The following SPATA22 variants were observed in gnomAD, a reference collection of about 807,000 sequenced individuals.
SPATA22 encodes the protein spermatogenesis associated 22, also known as spermatogenesis-associated protein 22.
A neutral mutation model predicts 47.8 loss-of-function variants in SPATA22; 29 were observed. The ratio of observed to expected loss-of-function variants is 0.61; its 90% CI spans 0.45 to 0.83. SPATA22 has a LOEUF of 0.83. Ranked by LOEUF, SPATA22 falls within the 40% of genes least tolerant of loss-of-function variation. The pLI, the probability that SPATA22 is intolerant of heterozygous loss-of-function variation, is 0.00. For missense variants in SPATA22, 410 were observed against 421.7 expected, an observed-to-expected ratio of 0.97 and a Z score of 0.24; for synonymous variants, 133 against 140.9, an observed-to-expected ratio of 0.94 and a Z score of 0.40.
At chr17:3,451,217 A>G (rs980595828) in intron 5 of SPATA22, among the ~76,000 whole-genome samples, 1 of 152,226 alleles carries the variant, frequency 6.6e-6, no homozygotes, top group Non-Finnish European at 1.5e-5. Context: ...AGACAAAGAA[A>G]GTCATTATAT....
chr17:3,458,858 A>G (rs2073058096), intron 5 of SPATA22, among the ~76,000 whole-genome samples: 2 of 130,212 alleles, frequency 1.5e-5, no homozygotes, highest in African/African-American at 7.3e-5. Context: ...AACTTCACAA[A>G]AAAAAAAAAA....
At chr17:3,468,753 G>C (rs1211131106) in intron 2 of SPATA22, 1 of 202,826 alleles carries the variant, frequency 4.9e-6, no homozygotes, top group African/African-American at 2.4e-5. Flanking sequence ...ACCTATCTCA[G>C]GGTATTGGTG....
intron 1 of SPATA22, among the ~76,000 whole-genome samples, chr17:3,487,077 T>A: frequency 6.6e-6 from 1 of 152,096 alleles, no homozygotes; most frequent in South Asian, 2.1e-4. Context: ...TGTGTGCGTG[T>A]GTGTGTGTGA....
Position 3,446,506 on chromosome 17 carries a change from A to G in SPATA22, c.768T>C (p.His256=), listed in dbSNP as rs748451020. The G allele has an allele frequency of 1.0e-5, 16 of 1,607,304 alleles. No individual in the cohort carries two copies. In the Admixed American group the frequency reaches 1.5e-4, roughly 15 times the overall value. ...VIESMKYWRE[H]AQKTVLLFEV... Reference sequence around the variant, plus strand: ...CAAAAAGAAGTACAGTTTTCTGTGCATGTTCACGCCAATACTTCATGCTTT... The same window carrying G: ...CAAAAAGAAGTACAGTTTTCTGTGCGTGTTCACGCCAATACTTCATGCTTT... The change falls in exon 7 of 9, where the codon CAT becomes CAC. Residue 256 remains histidine, a synonymous_variant. Coordinates refer to ENST00000572969, the MANE Select transcript of SPATA22 (RefSeq NM_001170698.2).
intron 1 of SPATA22, chr17:3,489,316 T>G: frequency 6.2e-7 from 1 of 1,611,834 alleles, no homozygotes; most frequent in Non-Finnish European, 8.5e-7. Context: ...AAACATGCTC[T>G]TGATTTTATA....
intron 7 of SPATA22, among the ~76,000 whole-genome samples, chr17:3,443,865 T>C (rs1389125762): frequency 1.5e-5 from 2 of 129,250 alleles, no homozygotes; most frequent in Non-Finnish European, 3.9e-5. Flanking sequence ...ACACCTTCCA[T>C]AGTTATCCTT....
At chr17:3,496,804 C>A (rs191586952) in intron 1 of SPATA22, among the ~76,000 whole-genome samples, 1 of 152,298 alleles carries the variant, frequency 6.6e-6, no homozygotes, top group African/African-American at 2.4e-5. Context: ...CGGTGGCTCA[C>A]GCCTGTAATC....
Position 3,471,669 on chromosome 17 carries a change from G to A in SPATA22, c.-74+13C>T, listed in dbSNP as rs549046664. 1 of 981,870 alleles carries A rather than the reference G, an allele frequency of 1.0e-6. No individual in the cohort carries two copies. Among genetic ancestry groups the A allele is most frequent in the African/African-American group, 1.8e-5 (1 of 54,136 alleles). The allele number at this position is 981,870 out of a possible 1,614,324, so 60.8% of individuals were successfully genotyped here. A position where few individuals can be genotyped will look rare whatever the true frequency, so the allele number is the denominator to read the frequency against. On this transcript the variant is annotated intron_variant, in intron 1 of 8. Coordinates refer to ENST00000572969, the MANE Select transcript of SPATA22 (RefSeq NM_001170698.2). ...CCCGCCCACGGAGTGGGGGCAGTTT[G>A]GTATCAACGCACAGTCTTTCCCTTC...
exon 1 of SPATA22, chr17:3,513,785 C>T: frequency 2.8e-6 from 2 of 715,878 alleles, no homozygotes; most frequent in Non-Finnish European, 4.8e-6. Flanking sequence ...GAGCACTGAG[C>T]ACGAGGGTGC....
chr17:3,468,770 T>A lies in SPATA22; in HGVS notation c.43+513A>T, dbSNP rs1384844881. 4 of 248,746 alleles carry A rather than the reference T, an allele frequency of 1.6e-5. No individual in the cohort carries two copies. In the Admixed American group the frequency reaches 2.6e-4, roughly 16 times the overall value. The allele number at this position is 248,746 out of a possible 1,614,324, so 15.4% of individuals were successfully genotyped here. A position where few individuals can be genotyped will look rare whatever the true frequency, so the allele number is the denominator to read the frequency against. ...CTATCTCAGGGTATTGGTGTAAAGA[T>A]TAAATAAATTAATATATATAATTAA... On this transcript the variant is annotated intron_variant, in intron 2 of 8. Coordinates refer to ENST00000572969, the MANE Select transcript of SPATA22 (RefSeq NM_001170698.2).
intron 5 of SPATA22, among the ~76,000 whole-genome samples, chr17:3,458,003 A>G (rs996063518): frequency 2.0e-5 from 3 of 152,364 alleles, no homozygotes; most frequent in Admixed American, 2.0e-4. Flanking sequence ...GAGCTTCTGC[A>G]CAGTAAAGGA....
chr17:3,467,421 C>T lies in SPATA22; in HGVS notation c.172+5G>A. 2 of 1,572,024 alleles carry T rather than the reference C, an allele frequency of 1.3e-6. No individual in the cohort carries two copies. Among genetic ancestry groups the T allele is most frequent in the Non-Finnish European group, 1.7e-6 (2 of 1,164,002 alleles). On this transcript the variant is annotated splice_donor_5th_base_variant and intron_variant, in intron 3 of 8. Transcript: ENST00000572969. Reference sequence around the variant, plus strand: ...TGAAAATTTTTACCTTATTAATTTTCTTACCTGTAGGTAGAGGAGGAAAAT... The same window carrying T: ...TGAAAATTTTTACCTTATTAATTTTTTTACCTGTAGGTAGAGGAGGAAAAT...
At chr17:3,450,015 G>T (rs1311963456) in intron 5 of SPATA22, among the ~76,000 whole-genome samples, 4 of 152,042 alleles carry the variant, frequency 2.6e-5, no homozygotes, top group Non-Finnish European at 1.5e-5. Flanking sequence ...ACTATGCCCA[G>T]CTAATTTTTG....
In SPATA22 at chr17:3,448,963, G is replaced by A. The variant is rs35561131; in HGVS notation, c.516C>T (p.Thr172=). Reference sequence around the variant, plus strand: ...ATGAATGTGTTTGTCTGAGTAGCTCGGTTTCTTTGTTGCGAGATAAGTTAG... The same window carrying A: ...ATGAATGTGTTTGTCTGAGTAGCTCAGTTTCTTTGTTGCGAGATAAGTTAG... ...EPPNLSRNKE[T]ELLRQTHSSK... The change falls in exon 6 of 9, where the codon ACC becomes ACT. Residue 172 remains threonine (T), a synonymous_variant. Coordinates refer to ENST00000572969, the MANE Select transcript of SPATA22 (RefSeq NM_001170698.2). 25,329 of 1,613,860 alleles carry A rather than the reference G, an allele frequency of 0.016. 274 individuals carry two copies. Among genetic ancestry groups the A allele is most frequent in the Middle Eastern group, 0.059 (357 of 6,058 alleles).
intron 1 of SPATA22, chr17:3,512,281 C>T (rs1188213051): frequency 2.6e-5 from 4 of 151,658 alleles, no homozygotes; most frequent in African/African-American, 4.8e-5. Context: ...CGATTACTCC[C>T]TGGGTCAGCT....
chr17:3,487,711 G>C (rs529330954), intron 1 of SPATA22, among the ~76,000 whole-genome samples: 1 of 152,072 alleles, frequency 6.6e-6, no homozygotes, highest in Non-Finnish European at 1.5e-5. Flanking sequence ...CATTGACTAG[G>C]GGATTATTAT....
chr17:3,476,009 A>G (rs1405449814), upstream of SPATA22: 2 of 718,604 alleles, frequency 2.8e-6, no homozygotes, highest in Non-Finnish European at 4.6e-6. Flanking sequence ...AACTTGTAAC[A>G]GAAAATTAAA....
intron 8 of SPATA22, chr17:3,441,532 C>T (rs1341512930): frequency 6.6e-6 from 1 of 151,992 alleles, no homozygotes; most frequent in Admixed American, 6.6e-5. Flanking sequence ...TGCAGAGCAA[C>T]CATAACTCTC....
At chr17:3,513,568 T>A in exon 1 of SPATA22, 1 of 220,462 alleles carries the variant, frequency 4.5e-6, no homozygotes, top group Non-Finnish European at 9.1e-6. Flanking sequence ...TCCTCAAGAC[T>A]GCTGCCCCTT....
Sources: gnomAD v4.1 joint callset for allele counts (sites outside exome capture counted in the v4.1 genomes callset) on GRCh38, gnomAD v4.1.1 for gene constraint, MANE v1.5 for transcripts, NCBI Gene and HGNC (gene_info 2026-07-23, HGNC 2026-07-21) for gene names.